The following TSC22D2 variants were observed in gnomAD, a reference collection of about 807,000 sequenced individuals.
TSC22D2 encodes TSC22 domain family member 2, also known as TSC22 domain family protein 2.
Under a neutral mutation model 50.1 loss-of-function variants are expected in TSC22D2, and 5 were observed. That is an observed-to-expected ratio of 0.10 (90% CI 0.05 to 0.21). The LOEUF is 0.21. Ranked by LOEUF, TSC22D2 falls within the 10% of genes least tolerant of loss-of-function variation. The pLI is 1.00. For synonymous variants in TSC22D2, 501 were observed against 450.1 expected (o/e 1.11, Z -1.43); for missense variants, 1,003 against 1,015.5 (o/e 0.99, Z 0.17).
intron 1 of TSC22D2, among the ~76,000 whole-genome samples, chr3:150,414,971 C>A (rs1719746436): frequency 6.7e-6 from 1 of 149,352 alleles, no homozygotes; most frequent in Admixed American, 6.7e-5. Flanking sequence ...CTATCCTATG[C>A]CTATCTACAC....
chr3:150,455,420 C>G (rs796660872), intron 1 of TSC22D2, among the ~76,000 whole-genome samples: 31 of 152,240 alleles, frequency 2.0e-4, no homozygotes, highest in African/African-American at 7.5e-4. Flanking sequence ...TATACAAAAC[C>G]TCTTTTCATC....
chr3:150,442,911 C>G (rs956847312), intron 1 of TSC22D2, among the ~76,000 whole-genome samples: 7 of 152,138 alleles, frequency 4.6e-5, no homozygotes, highest in Admixed American at 1.3e-4. Context: ...CCATTGCATT[C>G]CAACCTGGAA....
chr3:150,446,971 G>A (rs76148717), intron 1 of TSC22D2, among the ~76,000 whole-genome samples: 1 of 152,244 alleles, frequency 6.6e-6, no homozygotes, highest in African/African-American at 2.4e-5. Context: ...TAACATTTCT[G>A]CACTTTCAAG....
In TSC22D2 at chr3:150,409,515, G is replaced by A; in HGVS notation, c.165G>A (p.Thr55=). ...SSEIFDVSRA[T]DYGPEEVCER... is the part of the protein sequence containing the mutation. ...AGATTTTCGACGTCTCTCGGGCCAC[G>A]GATTATGGCCCTGAGGAGGTCTGCG... Residue 55 remains threonine, a synonymous_variant, in exon 1 of 3, where the codon ACG becomes ACA. Coordinates refer to ENST00000688009, the MANE Select transcript of TSC22D2 (RefSeq NM_001303264.2). The surrounding 1 kb of genome is among the most constrained non-coding windows in gnomAD (Gnocchi z 7.4). 6.2e-7 allele frequency: 1 copy of A among 1,612,946 alleles called. No individual in the cohort carries two copies. The highest frequency in any genetic ancestry group is 2.2e-5 in the East Asian group (1 of 44,832).
chr3:150,428,873 T>G (rs1308516322), intron 1 of TSC22D2, among the ~76,000 whole-genome samples: 2 of 152,158 alleles, frequency 1.3e-5, no homozygotes, highest in Non-Finnish European at 1.5e-5. Context: ...TGGGAAATGG[T>G]CTTGCCATCA....
At chr3:150,427,437 A>C (rs193053051) in intron 1 of TSC22D2, among the ~76,000 whole-genome samples, 3 of 152,124 alleles carry the variant, frequency 2.0e-5, no homozygotes, top group Non-Finnish European at 2.9e-5. Context: ...CCAGTATTGT[A>C]TTTGAGATTC....
At chr3:150,430,419 A>G (rs1720341169) in intron 1 of TSC22D2, among the ~76,000 whole-genome samples, 1 of 152,192 alleles carries the variant, frequency 6.6e-6, no homozygotes, top group South Asian at 2.1e-4. Flanking sequence ...TGAGATAGGA[A>G]TTACAGGATT....
chr3:150,410,199 G>T lies in TSC22D2; in HGVS notation c.849G>T (p.Gly283=), dbSNP rs1719472285. The T allele has an allele frequency of 6.2e-7, 1 of 1,601,964 alleles. No individual in the cohort carries two copies. Among genetic ancestry groups the T allele is most frequent in the South Asian group, 1.1e-5 (1 of 90,282 alleles). ...AGCCGCCGCCGCCACCCGTAGGTGG[G>T]GCTGTGGCTCAAAGCTCGGCTCCGC... The part of the protein sequence containing the change: ...QPQPPPPPVG[G]AVAQSSAPLP... Residue 283 remains glycine, a synonymous_variant, in exon 1 of 3, where the codon GGG becomes GGT. Transcript: ENST00000688009.
chr3:150,411,708 C>A (rs1719578984), intron 1 of TSC22D2, among the ~76,000 whole-genome samples: 1 of 151,834 alleles, frequency 6.6e-6, no homozygotes, highest in Admixed American at 6.6e-5. Context: ...CATAATAATA[C>A]TACAAGTTTT....
chr3:150,465,016 A>G lies in TSC22D2; in HGVS notation c.*6380A>G, dbSNP rs1208861748. On this transcript the variant is annotated 3_prime_UTR_variant, in exon 3 of 3. Coordinates refer to ENST00000688009, the MANE Select transcript of TSC22D2 (RefSeq NM_001303264.2). ...AAGAATAACTCAGGTGACTGATACC[A>G]AAAATAAATCTCTAATACAGCTGAG... The G allele has an allele frequency of 6.6e-6, 1 of 152,200 alleles. No homozygotes were observed. The highest frequency in any genetic ancestry group is 1.9e-4 in the East Asian group (1 of 5,196). 9.4% of individuals were successfully genotyped at this position (152,200 alleles called of 1,614,324 possible).
At chr3:150,423,098 GAATC>G in intron 1 of TSC22D2, 1 of 1,612,684 alleles carries the variant, frequency 6.2e-7, no homozygotes, top group Non-Finnish European at 8.5e-7. Flanking sequence ...CACGTTAAAG[GAATC>G]AAAGAGCCTC....
At position 150,458,798 on chromosome 3, in the gene TSC22D2, G is replaced by C. The variant is rs1283392763; in HGVS notation, c.*162G>C. On this transcript the variant is annotated 3_prime_UTR_variant, in exon 3 of 3. Coordinates refer to ENST00000688009, the MANE Select transcript of TSC22D2 (RefSeq NM_001303264.2). ...TTCTACAAGAGCTTTTCCTCTCTCT[G>C]AGATGTCATGCAGCGCTGTTGATGT... 5 of 843,674 alleles carry C rather than the reference G, an allele frequency of 5.9e-6. No individual in the cohort carries two copies. Among genetic ancestry groups the C allele is most frequent in the Non-Finnish European group, 5.5e-6 (3 of 547,314 alleles). The allele number at this position is 843,674 out of a possible 1,614,324, so 52.3% of individuals were successfully genotyped here.
intron 1 of TSC22D2, among the ~76,000 whole-genome samples, chr3:150,451,387 G>T (rs565038752): frequency 6.6e-5 from 10 of 152,250 alleles, no homozygotes; most frequent in Non-Finnish European, 1.5e-4. Context: ...TTTTCTAAGA[G>T]GTTCCCTCCC....
chr3:150,459,680 G>A lies in TSC22D2; in HGVS notation c.*1044G>A, dbSNP rs1183070632. The A allele has an allele frequency of 6.9e-6, 1 of 145,550 alleles. No individual in the cohort carries two copies. The highest frequency in any genetic ancestry group is 1.5e-5 in the Non-Finnish European group (1 of 67,124). The allele number at this position is 145,550 out of a possible 1,614,324, so 9.0% of individuals were successfully genotyped here. A position where few individuals can be genotyped will look rare whatever the true frequency, so the allele number is the denominator to read the frequency against. ...CTTTACTGTCTAGCATGATCTGCAT[G>A]ACCTATAATCTTTGAACCACTTTCG... On this transcript the variant is annotated 3_prime_UTR_variant, in exon 3 of 3. Transcript: ENST00000688009.
Position 150,459,849 on chromosome 3 carries a change from G to T in TSC22D2, c.*1213G>T, listed in dbSNP as rs1270247481. ...TGTAAAAAAAAAAAAAAAAAAAAGT[G>T]AGCCATCTTTTGTTCATTTAAAATG... is the stretch of plus-strand genomic sequence containing the variant. On this transcript the variant is annotated 3_prime_UTR_variant, in exon 3 of 3. Coordinates refer to ENST00000688009, the MANE Select transcript of TSC22D2 (RefSeq NM_001303264.2). 6.8e-6 allele frequency: 1 copy of T among 147,808 alleles called. No individual in the cohort carries two copies. Among genetic ancestry groups the T allele is most frequent in the Non-Finnish European group, 1.5e-5 (1 of 67,002 alleles). 9.2% of individuals were successfully genotyped at this position (147,808 alleles called of 1,614,324 possible).
intron 1 of TSC22D2, among the ~76,000 whole-genome samples, chr3:150,455,919 A>G (rs1721172764): frequency 6.6e-6 from 1 of 151,590 alleles, no homozygotes. Context: ...AAAAACAATA[A>G]AAGGGTATAA....
At chr3:150,419,674 A>G (rs1719941178) in intron 1 of TSC22D2, among the ~76,000 whole-genome samples, 1 of 152,164 alleles carries the variant, frequency 6.6e-6, no homozygotes, top group Non-Finnish European at 1.5e-5. Context: ...GTGTCTTGCA[A>G]AAACAGGTAG....
rs752446923 is a variant in TSC22D2 at position 150,410,133 on chromosome 3, C to T, written c.783C>T (p.Pro261=). 2.5e-6 allele frequency: 4 copies of T among 1,612,100 alleles called. No individual in the cohort carries two copies. In the East Asian group the frequency reaches 6.7e-5, roughly 27 times the overall value. The part of the protein sequence containing the change: ...QLPPSEKMSQ[P]TPAQPQSFSV... ...CCCCGTCGGAGAAAATGAGCCAGCC[C>T]ACTCCGGCCCAGCCGCAGAGTTTTA... Residue 261 remains proline, a synonymous_variant, in exon 1 of 3, where the codon CCC becomes CCT. Coordinates refer to ENST00000688009, the MANE Select transcript of TSC22D2 (RefSeq NM_001303264.2).
intron 1 of TSC22D2, among the ~76,000 whole-genome samples, chr3:150,422,259 G>A (rs1204043876): frequency 6.6e-6 from 1 of 152,156 alleles, no homozygotes; most frequent in African/African-American, 2.4e-5. Flanking sequence ...TGAGGAGGAG[G>A]GAACAGGTTT....
Sources: gnomAD v4.1 joint callset for allele counts (sites outside exome capture counted in the v4.1 genomes callset) on GRCh38, gnomAD v4.1.1 for gene constraint, Gnocchi (gnomAD v3.1) non-coding constraint, MANE v1.5 for transcripts, NCBI Gene and HGNC (gene_info 2026-07-23, HGNC 2026-07-21) for gene names.